Variants in LDB2 observed in about 807,000 individuals in gnomAD.
The protein encoded by LDB2 is LIM domain binding 2, also known as LIM domain-binding protein 2.
Under a neutral mutation model 44.3 loss-of-function variants are expected in LDB2, and 12 were observed. That is an observed-to-expected ratio of 0.27 (90% CI 0.17 to 0.44). The LOEUF is 0.44. Ranked by LOEUF, LDB2 falls within the 20% of genes least tolerant of loss-of-function variation. LDB2 has a pLI of 1.00. For synonymous variants in LDB2, 164 were observed against 174.8 expected (o/e 0.94, Z 0.49); for missense variants, 344 against 473.5 (o/e 0.73, Z 2.54).
chr4:16,813,972 G>C (rs1356272939), intron 1 of LDB2, among the ~76,000 whole-genome samples: 3 of 151,356 alleles, frequency 2.0e-5, no homozygotes, highest in East Asian at 1.9e-4. Context: ...CCCAGGTTCA[G>C]GCCATTCTCC....
At chr4:16,583,767 T>C (rs1715669366) in intron 5 of LDB2, among the ~76,000 whole-genome samples, 2 of 152,158 alleles carry the variant, frequency 1.3e-5, no homozygotes, top group South Asian at 4.1e-4. Flanking sequence ...GATTTGTGAC[T>C]AGGAGGCATG....
chr4:16,873,874 T>C (rs1717531504), intron 1 of LDB2, among the ~76,000 whole-genome samples: 1 of 152,224 alleles, frequency 6.6e-6, no homozygotes, highest in African/African-American at 2.4e-5. Context: ...TCATGTCAAT[T>C]GCAGGAATTA....
At chr4:16,732,219 G>T (rs909722384) in intron 2 of LDB2, among the ~76,000 whole-genome samples, 3 of 152,160 alleles carry the variant, frequency 2.0e-5, no homozygotes, top group African/African-American at 7.2e-5. Flanking sequence ...TTTCAAAGGG[G>T]CTTGGGACTT....
chr4:16,610,804 C>T (rs571851450), intron 2 of LDB2, among the ~76,000 whole-genome samples: 21 of 152,122 alleles, frequency 1.4e-4, no homozygotes, highest in Admixed American at 8.5e-4. Flanking sequence ...CAATATTATC[C>T]AGGAGAATTT....
intron 5 of LDB2, among the ~76,000 whole-genome samples, chr4:16,574,851 A>T (rs148039062): frequency 1.3e-5 from 2 of 152,190 alleles, no homozygotes; most frequent in African/African-American, 4.8e-5. Context: ...GATGAAAAAA[A>T]TTGGATTCGG....
intron 2 of LDB2, among the ~76,000 whole-genome samples, chr4:16,665,591 T>C (rs1380814453): frequency 1.3e-5 from 2 of 152,156 alleles, no homozygotes; most frequent in African/African-American, 4.8e-5. Flanking sequence ...AGTTACTAAA[T>C]TGAGACCTTG....
chr4:16,810,220 A>T (rs1278422639), intron 1 of LDB2, among the ~76,000 whole-genome samples: 4 of 152,116 alleles, frequency 2.6e-5, no homozygotes, highest in Non-Finnish European at 5.9e-5. Flanking sequence ...CAAGTCTGGC[A>T]CCCAGTTCCA....
At chr4:16,602,685 A>G (rs541609039) in intron 2 of LDB2, among the ~76,000 whole-genome samples, 2 of 152,214 alleles carry the variant, frequency 1.3e-5, no homozygotes, top group Non-Finnish European at 2.9e-5. Context: ...ATAAATAGGC[A>G]TTTTTTCTTC....
At chr4:16,557,575 G>A (rs1386535769) in intron 5 of LDB2, among the ~76,000 whole-genome samples, 1 of 152,228 alleles carries the variant, frequency 6.6e-6, no homozygotes, top group Non-Finnish European at 1.5e-5. Context: ...CAAACTGGGT[G>A]GAGCCCACAC....
intron 1 of LDB2, among the ~76,000 whole-genome samples, chr4:16,865,014 A>C (rs1022617703): frequency 1.8e-4 from 28 of 151,858 alleles, no homozygotes; most frequent in African/African-American, 6.5e-4. Flanking sequence ...GGGAGGCCGA[A>C]GTGGGCAGAT....
chr4:16,508,861 T>TA lies in LDB2; in HGVS notation c.740-176dup, dbSNP rs1302067501. Among the ~76,000 whole-genome samples, 7 of 152,170 alleles carry TA rather than the reference T, an allele frequency of 4.6e-5. No homozygotes were observed. The East Asian group carries it at 5.8e-4, about 13-fold the overall frequency. On this transcript the variant is annotated intron_variant, in intron 6 of 7. Coordinates refer to ENST00000304523, the MANE Select transcript of LDB2 (RefSeq NM_001290.5). ...AAGGAGAAAACTGTAGATGTGTTTT[T>TA]AGCACAAAATATGTGACACTCTTTT...
chr4:16,578,773 A>T (rs1403360536), intron 5 of LDB2, among the ~76,000 whole-genome samples: 1 of 152,242 alleles, frequency 6.6e-6, no homozygotes, highest in Non-Finnish European at 1.5e-5. Context: ...ACTATTAACA[A>T]TAGCCAAGAT....
At chr4:16,612,256 A>G (rs1337759072) in intron 2 of LDB2, among the ~76,000 whole-genome samples, 1 of 152,196 alleles carries the variant, frequency 6.6e-6, no homozygotes, top group East Asian at 1.9e-4. Context: ...CCCACATCAG[A>G]AAACTAGAAA....
At chr4:16,538,991 T>C (rs1006409632) in intron 5 of LDB2, among the ~76,000 whole-genome samples, 1 of 152,184 alleles carries the variant, frequency 6.6e-6, no homozygotes. Flanking sequence ...CCTGATCCTG[T>C]ACTACTGAAC....
At chr4:16,893,056 G>T in intron 1 of LDB2, 1 of 949,976 alleles carries the variant, frequency 1.1e-6, no homozygotes, top group Non-Finnish European at 1.3e-6. Flanking sequence ...AATAAAATCA[G>T]TATAAGAGTC....
chr4:16,711,041 A>G (rs749100397), intron 2 of LDB2, among the ~76,000 whole-genome samples: 10 of 152,234 alleles, frequency 6.6e-5, no homozygotes, highest in Non-Finnish European at 1.0e-4. Flanking sequence ...CTGTCCATTC[A>G]TTCAACAATG....
intron 6 of LDB2, among the ~76,000 whole-genome samples, chr4:16,509,435 A>G (rs1720840435): frequency 6.6e-6 from 1 of 152,218 alleles, no homozygotes; most frequent in African/African-American, 2.4e-5. Context: ...AAACAGAGAA[A>G]AATATTTTGG....
At chr4:16,744,146 GGTTTGTTTGTTT>G (rs143933539) in intron 2 of LDB2, among the ~76,000 whole-genome samples, 1 of 151,742 alleles carries the variant, frequency 6.6e-6, no homozygotes, top group South Asian at 2.1e-4. Flanking sequence ...AGACTCATGT[GGTTTGTTTGTTT>G]GTTTGTTTGT....
At chr4:16,824,246 C>A (rs895294272) in intron 1 of LDB2, among the ~76,000 whole-genome samples, 1 of 152,086 alleles carries the variant, frequency 6.6e-6, no homozygotes, top group Non-Finnish European at 1.5e-5. Flanking sequence ...TGTATGCACA[C>A]AAATGTGCTT....
Sources: gnomAD v4.1 joint callset for allele counts (sites outside exome capture counted in the v4.1 genomes callset) on GRCh38, gnomAD v4.1.1 for gene constraint, MANE v1.5 for transcripts, NCBI Gene and HGNC (gene_info 2026-07-23, HGNC 2026-07-21) for gene names.